The following ZNF706 variants were observed in gnomAD, a reference collection of about 807,000 sequenced individuals.
The protein encoded by ZNF706 is zinc finger protein 706, also known as transcriptional regulator ZNF706.
Under a neutral mutation model 9.2 loss-of-function variants are expected in ZNF706, and 4 were observed. The ratio of observed to expected loss-of-function variants is 0.43; its 90% CI spans 0.21 to 0.99. The LOEUF (loss-of-function observed/expected upper bound fraction) is 0.99, where lower values mean the gene tolerates loss of function less well. ZNF706 is among the 50% of genes least tolerant of loss of function. ZNF706 has a pLI of 0.26. For missense variants in ZNF706, 27 were observed against 87.8 expected (o/e 0.31, Z 2.77); for synonymous variants, 28 against 27.3 (o/e 1.03, Z -0.08).
In ZNF706 at chr8:101,201,190, T is replaced by C. The variant is rs879317229; in HGVS notation, c.135+417A>G. ...ATTCTAGGAAAAGCTCTCAACGTGA[T>C]TATACTCTATATGGTTTTACAGACA... On this transcript the variant is annotated intron_variant, in intron 2 of 3. Coordinates refer to ENST00000311212, the MANE Select transcript of ZNF706 (RefSeq NM_016096.5). This position sits in a 1 kb window ranked among gnomAD's most constrained non-coding sequence, Gnocchi z 4.5. The C allele has an allele frequency of 5.9e-6, 1 of 170,774 alleles. No individual in the cohort carries two copies. The highest frequency in any genetic ancestry group is 1.6e-4 in the East Asian group (1 of 6,128). 10.6% of individuals were successfully genotyped at this position (170,774 alleles called of 1,614,324 possible).
rs576718270 is a variant in ZNF706, at chr8:101,202,789, T to C, written c.-2-1046A>G. On this transcript the variant is annotated intron_variant, in intron 1 of 3. Coordinates refer to ENST00000311212, the MANE Select transcript of ZNF706 (RefSeq NM_016096.5). ...TAAAAAAGTTTAGCCCCCGCTATCA[T>C]TTACTTGATCACTCTGCAAAAGTAA... 7.2e-5 allele frequency: 11 copies of C among 152,342 alleles called. No individual in the cohort carries two copies. In the South Asian group the frequency reaches 2.1e-3, roughly 29 times the overall value. 9.4% of individuals were successfully genotyped at this position (152,342 alleles called of 1,614,324 possible).
At chr8:101,205,810 C>T (rs1218944079), upstream of ZNF706, 1 of 152,362 alleles carries the variant, frequency 6.6e-6, no homozygotes, top group Non-Finnish European at 1.5e-5. This position sits in a 1 kb window ranked among gnomAD's most constrained non-coding sequence, Gnocchi z 6.6. Flanking sequence ...GCAGCGCGCC[C>T]CTATTACATA....
Position 101,201,432 on chromosome 8 carries a change from G to T in ZNF706, c.135+175C>A. ...TAGAGATTTTTGCCTGGCCACAGGA[G>T]CCATTCAAAAAATATTTGTTTAAAG... On this transcript the variant is annotated intron_variant, in intron 2 of 3. Transcript: ENST00000311212. This position sits in a 1 kb window ranked among gnomAD's most constrained non-coding sequence, Gnocchi z 4.5. 1.6e-6 allele frequency: 1 copy of T among 611,806 alleles called. No individual in the cohort carries two copies. The highest frequency in any genetic ancestry group is 2.7e-6 in the Non-Finnish European group (1 of 371,728). The allele number at this position is 611,806 out of a possible 1,614,324, so 37.9% of individuals were successfully genotyped here.
intron 1 of ZNF706, chr8:101,204,118 A>T (rs1047374748): frequency 1.3e-5 from 2 of 151,830 alleles, no homozygotes; most frequent in African/African-American, 2.4e-5. Flanking sequence ...GTTTTATGTT[A>T]AAAAAAATCT....
rs779445703 is a variant in ZNF706 at position 101,198,307 on chromosome 8, C to T, written c.*945G>A. 1 of 152,146 alleles carries T rather than the reference C, an allele frequency of 6.6e-6. No individual in the cohort carries two copies. The highest frequency in any genetic ancestry group is 2.1e-4 in the South Asian group (1 of 4,828). 9.4% of individuals were successfully genotyped at this position (152,146 alleles called of 1,614,324 possible). On this transcript the variant is annotated 3_prime_UTR_variant, in exon 4 of 4. Coordinates refer to ENST00000311212, the MANE Select transcript of ZNF706 (RefSeq NM_016096.5). ...AGAGGGTTCTGGGAATTAATCCAGCCACAAGTCATTCCAATCTTCCTGTTA... is the reference window on the plus strand; with the variant it reads ...AGAGGGTTCTGGGAATTAATCCAGCTACAAGTCATTCCAATCTTCCTGTTA...
chr8:101,204,995 G>T, intron 1 of ZNF706: 1 of 972,102 alleles, frequency 1.0e-6, no homozygotes, highest in Non-Finnish European at 1.2e-6. Context: ...TCAGCCTGGC[G>T]CACCTTCCTT....
Position 101,201,522 on chromosome 8 carries a change from A to T in ZNF706, c.135+85T>A. ...ACCTACTATTTCATGTAAAGCATCT[A>T]TTTTGCCATGGTTTCAAAATTTTAA... On this transcript the variant is annotated intron_variant, in intron 2 of 3. Coordinates refer to ENST00000311212, the MANE Select transcript of ZNF706 (RefSeq NM_016096.5). The surrounding 1 kb of genome is among the most constrained non-coding windows in gnomAD (Gnocchi z 4.5). 8.0e-7 allele frequency: 1 copy of T among 1,244,794 alleles called. No homozygotes were observed. Among genetic ancestry groups the T allele is most frequent in the Non-Finnish European group, 1.1e-6 (1 of 890,122 alleles). The allele number at this position is 1,244,794 out of a possible 1,614,324, so 77.1% of individuals were successfully genotyped here.
chr8:101,204,403 C>T (rs910436974), intron 1 of ZNF706: 1 of 154,482 alleles, frequency 6.5e-6, no homozygotes, highest in Non-Finnish European at 1.4e-5. Context: ...AAACTTAACA[C>T]CAGGTAAAGG....
chr8:101,205,959 T>G, upstream of ZNF706: 1 of 152,372 alleles, frequency 6.6e-6, no homozygotes, highest in East Asian at 1.9e-4. This position sits in a 1 kb window ranked among gnomAD's most constrained non-coding sequence, Gnocchi z 6.6. Flanking sequence ...CCGGTCCTGG[T>G]TGGTGACCGG....
Position 101,204,911 on chromosome 8 carries a change from C to A in ZNF706, c.-3+524G>T, listed in dbSNP as rs907365655. 6 of 985,564 alleles carry A rather than the reference C, an allele frequency of 6.1e-6. No homozygotes were observed. The African/African-American group carries it at 1.0e-4, about 17-fold the overall frequency. 61.1% of individuals were successfully genotyped at this position (985,564 alleles called of 1,614,324 possible). A position where few individuals can be genotyped will look rare whatever the true frequency, so the allele number is the denominator to read the frequency against. ...ACATCCTGACCCTAGCTTTTAACAC[C>A]ATCGTTTTGGGGAGAGGAGAGGAGG... On this transcript the variant is annotated intron_variant, in intron 1 of 3. Coordinates refer to ENST00000311212, the MANE Select transcript of ZNF706 (RefSeq NM_016096.5).
rs1280502725 is a variant in ZNF706, at chr8:101,197,669, TAA to T, written c.*1581_*1582del. 1 of 152,164 alleles carries T rather than the reference TAA, an allele frequency of 6.6e-6. No individual in the cohort carries two copies. Among genetic ancestry groups the T allele is most frequent in the East Asian group, 1.9e-4 (1 of 5,198 alleles). 9.4% of individuals were successfully genotyped at this position (152,164 alleles called of 1,614,324 possible). A position where few individuals can be genotyped will look rare whatever the true frequency, so the allele number is the denominator to read the frequency against. ...TCTGCAATATCCACAAGAAATTAGG[TAA>T]AATTCTAACGTTCTGGTAATCGACA... On this transcript the variant is annotated 3_prime_UTR_variant, in exon 4 of 4. Coordinates refer to ENST00000311212, the MANE Select transcript of ZNF706 (RefSeq NM_016096.5).
At chr8:101,200,348 G>T in intron 2 of ZNF706, 1 of 313,478 alleles carries the variant, frequency 3.2e-6, no homozygotes, top group Non-Finnish European at 6.1e-6. Context: ...GCAAACAATA[G>T]GTAACATTTA....
chr8:101,201,438 C>A lies in ZNF706; in HGVS notation c.135+169G>T. On this transcript the variant is annotated intron_variant, in intron 2 of 3. Transcript: ENST00000311212. This position sits in a 1 kb window ranked among gnomAD's most constrained non-coding sequence, Gnocchi z 4.5. ...TTTTTGCCTGGCCACAGGAGCCATTCAAAAAATATTTGTTTAAAGGGTGAA... is the reference window on the plus strand; with the variant it reads ...TTTTTGCCTGGCCACAGGAGCCATTAAAAAAATATTTGTTTAAAGGGTGAA... The A allele has an allele frequency of 1.5e-6, 1 of 646,078 alleles. No individual in the cohort carries two copies. Among genetic ancestry groups the A allele is most frequent in the Non-Finnish European group, 2.5e-6 (1 of 402,774 alleles). The allele number at this position is 646,078 out of a possible 1,614,324, so 40.0% of individuals were successfully genotyped here. A position where few individuals can be genotyped will look rare whatever the true frequency, so the allele number is the denominator to read the frequency against.
intron 1 of ZNF706, chr8:101,202,419 T>C (rs1300698255): frequency 6.6e-6 from 1 of 152,006 alleles, no homozygotes; most frequent in Non-Finnish European, 1.5e-5. Flanking sequence ...ATGGCACCAC[T>C]GCACTGCAGC....
chr8:101,203,442 G>C (rs1586268805), intron 1 of ZNF706: 1 of 151,958 alleles, frequency 6.6e-6, no homozygotes, highest in East Asian at 1.9e-4. Context: ...CTTCTGACTA[G>C]GACCATAATT....
rs2129921407 is a variant in ZNF706, at chr8:101,205,636, G to C, written c.-204C>G. On this transcript the variant is annotated 5_prime_UTR_variant, in exon 1 of 4. Coordinates refer to ENST00000311212, the MANE Select transcript of ZNF706 (RefSeq NM_016096.5). This position sits in a 1 kb window ranked among gnomAD's most constrained non-coding sequence, Gnocchi z 6.6. ...GCGCCCGCCGCCGCCTCAGCCTTAGGGGAGACCACTACGCCTCGTGCCCGC... is the reference window on the plus strand; with the variant it reads ...GCGCCCGCCGCCGCCTCAGCCTTAGCGGAGACCACTACGCCTCGTGCCCGC... The C allele has an allele frequency of 6.3e-6, 1 of 159,564 alleles. No homozygotes were observed. Among genetic ancestry groups the C allele is most frequent in the African/African-American group, 2.4e-5 (1 of 41,384 alleles). 9.9% of individuals were successfully genotyped at this position (159,564 alleles called of 1,614,324 possible).
In ZNF706 at chr8:101,201,417, T is replaced by C. The variant is rs921264747; in HGVS notation, c.135+190A>G. 3 of 565,794 alleles carry C rather than the reference T, an allele frequency of 5.3e-6. No homozygotes were observed. The highest frequency in any genetic ancestry group is 9.1e-6 in the Non-Finnish European group (3 of 330,874). 35.0% of individuals were successfully genotyped at this position (565,794 alleles called of 1,614,324 possible). A position where few individuals can be genotyped will look rare whatever the true frequency, so the allele number is the denominator to read the frequency against. On this transcript the variant is annotated intron_variant, in intron 2 of 3. Coordinates refer to ENST00000311212, the MANE Select transcript of ZNF706 (RefSeq NM_016096.5). The surrounding 1 kb of genome is among the most constrained non-coding windows in gnomAD (Gnocchi z 4.5). ...TGTTTTCCCAGCACCTAGAGATTTTTGCCTGGCCACAGGAGCCATTCAAAA... is the reference window on the plus strand; with the variant it reads ...TGTTTTCCCAGCACCTAGAGATTTTCGCCTGGCCACAGGAGCCATTCAAAA...
intron 1 of ZNF706, chr8:101,202,347 A>T (rs1810591693): frequency 6.6e-6 from 1 of 151,370 alleles, no homozygotes; most frequent in South Asian, 2.1e-4. Flanking sequence ...AATTCCAGCT[A>T]CTTGGGAGGC....
Position 101,201,405 on chromosome 8 carries a change from C to T in ZNF706, c.135+202G>A. ...TTTTGTTCACTCTGTTTTCCCAGCACCTAGAGATTTTTGCCTGGCCACAGG... is the reference window on the plus strand; with the variant it reads ...TTTTGTTCACTCTGTTTTCCCAGCATCTAGAGATTTTTGCCTGGCCACAGG... On this transcript the variant is annotated intron_variant, in intron 2 of 3. Coordinates refer to ENST00000311212, the MANE Select transcript of ZNF706 (RefSeq NM_016096.5). The surrounding 1 kb of genome is among the most constrained non-coding windows in gnomAD (Gnocchi z 4.5). 3.7e-6 allele frequency: 2 copies of T among 545,474 alleles called. No individual in the cohort carries two copies. Among genetic ancestry groups the T allele is most frequent in the South Asian group, 2.8e-5 (1 of 35,522 alleles). 33.8% of individuals were successfully genotyped at this position (545,474 alleles called of 1,614,324 possible). A position where few individuals can be genotyped will look rare whatever the true frequency, so the allele number is the denominator to read the frequency against.
Sources: allele counts gnomAD v4.1 joint callset, GRCh38; gene constraint gnomAD v4.1.1; non-coding constraint Gnocchi (gnomAD v3.1); transcripts MANE v1.5; gene names NCBI Gene and HGNC (gene_info 2026-07-23, HGNC 2026-07-21).